Variants in SH3KBP1 observed in about 807,000 individuals in gnomAD.
SH3KBP1 encodes the protein SH3 domain-containing kinase-binding protein 1.
SH3KBP1 carries 8 observed loss-of-function variants against 50.1 expected under a neutral mutation model. The observed-to-expected ratio is 0.16, with a 90% CI of 0.09 to 0.29. The LOEUF is 0.29. Among genes scored for constraint, SH3KBP1 ranks in the 10% least tolerant of loss-of-function variants. SH3KBP1 has a pLI of 1.00. For synonymous variants in SH3KBP1, 227 were observed against 218.6 expected (o/e 1.04, Z -0.34); for missense variants, 377 against 535.2 (o/e 0.70, Z 2.92).
At chrX:19,702,656 T>TA (rs756113280) in intron 4 of SH3KBP1, among the ~76,000 whole-genome samples, 1,080 of 103,122 alleles carry the variant, frequency 0.01, 14 homozygotes, top group African/African-American at 0.033. Flanking sequence ...CAATGCACTT[T>TA]AAAAAAAAAA....
In SH3KBP1 at chrX:19,588,666, C is replaced by A. The variant is rs147648876; in HGVS notation, c.1275G>T (p.Pro425=). 3.3e-6 allele frequency: 4 copies of A among 1,208,652 alleles called. No individual in the cohort carries two copies. Among genetic ancestry groups the A allele is most frequent in the Non-Finnish European group, 3.4e-6 (3 of 894,378 alleles). ...ACCTGGTGTGTGTCAGCGGACCCAC[C>A]GGTCTCTCCGGCCTTCTCGGGGGCA... ...GALPPRRPER[P]VGPLTHTRGD... Residue 425 remains proline (P), a synonymous_variant, in exon 12 of 18, where the codon CCG becomes CCT. Coordinates refer to ENST00000397821, the MANE Select transcript of SH3KBP1 (RefSeq NM_031892.3).
intron 2 of SH3KBP1, among the ~76,000 whole-genome samples, chrX:19,823,594 C>G (rs1269959673): frequency 8.9e-6 from 1 of 112,130 alleles, no homozygotes; most frequent in Non-Finnish European, 1.9e-5. Context: ...CTTAAGGACT[C>G]ATGTTAGGCC....
At chrX:19,794,863 TTCAGCAAATCCTTA>T (rs1284437051) in intron 2 of SH3KBP1, among the ~76,000 whole-genome samples, 1 of 111,558 alleles carries the variant, frequency 9.0e-6, no homozygotes, top group Non-Finnish European at 1.9e-5. Context: ...CTTCCATTCA[TTCAGCAAATCCTTA>T]GTGCCCAGGC....
At chrX:19,572,368 C>CAT (rs1172266661) in intron 12 of SH3KBP1, among the ~76,000 whole-genome samples, 1 of 97,078 alleles carries the variant, frequency 1.0e-5, no homozygotes, top group East Asian at 2.9e-4. Flanking sequence ...ATATATAGTA[C>CAT]ATATATGTTA....
chrX:19,795,955 T>A (rs1241412454), intron 2 of SH3KBP1, among the ~76,000 whole-genome samples: 1 of 111,480 alleles, frequency 9.0e-6, no homozygotes, highest in Non-Finnish European at 1.9e-5. Context: ...AGTTTACACC[T>A]CACCTACACT....
chrX:19,661,352 A>T (rs1281945244), intron 6 of SH3KBP1, among the ~76,000 whole-genome samples: 3 of 111,714 alleles, frequency 2.7e-5, no homozygotes, highest in Non-Finnish European at 5.6e-5. Context: ...GATGTTTACA[A>T]AAAGTTTGTA....
intron 3 of SH3KBP1, among the ~76,000 whole-genome samples, chrX:19,730,776 G>C (rs903726815): frequency 2.7e-5 from 3 of 111,674 alleles, no homozygotes; most frequent in Admixed American, 9.5e-5. Context: ...CCCTGGTCCT[G>C]ATGAAAGTGA....
intron 14 of SH3KBP1, among the ~76,000 whole-genome samples, chrX:19,548,945 T>G (rs2065163696): frequency 8.9e-6 from 1 of 112,112 alleles, no homozygotes; most frequent in African/African-American, 3.2e-5. Context: ...TTTGACCCAC[T>G]TCCAGAAAAT....
At chrX:19,763,115 A>G (rs1183650191) in intron 2 of SH3KBP1, among the ~76,000 whole-genome samples, 3 of 111,676 alleles carry the variant, frequency 2.7e-5, no homozygotes, top group Non-Finnish European at 5.6e-5. Flanking sequence ...ATTACAAACA[A>G]CACTACATTG....
At chrX:19,543,219 C>A (rs1306911767) in intron 15 of SH3KBP1, among the ~76,000 whole-genome samples, 1 of 111,513 alleles carries the variant, frequency 9.0e-6, no homozygotes, top group African/African-American at 3.3e-5. Flanking sequence ...GGACAGGATG[C>A]AGAGGGTGGA....
intron 2 of SH3KBP1, among the ~76,000 whole-genome samples, chrX:19,784,750 C>T (rs2066284260): frequency 9.0e-6 from 1 of 111,057 alleles, no homozygotes; most frequent in Non-Finnish European, 1.9e-5. Context: ...GCTGGGATTA[C>T]AGGCATACCA....
intron 3 of SH3KBP1, among the ~76,000 whole-genome samples, chrX:19,711,693 T>A: frequency 1.9e-5 from 2 of 104,445 alleles, no homozygotes; most frequent in Non-Finnish European, 3.9e-5. Flanking sequence ...AAAGAATCCA[T>A]CAAATTAATC....
At chrX:19,713,371 T>C (rs758712128) in intron 3 of SH3KBP1, among the ~76,000 whole-genome samples, 1 of 109,857 alleles carries the variant, frequency 9.1e-6, no homozygotes, top group African/African-American at 3.3e-5. Flanking sequence ...CAAGTGATCC[T>C]CCCACCTCAG....
At chrX:19,867,657 A>C (rs1228543021) in intron 1 of SH3KBP1, among the ~76,000 whole-genome samples, 1 of 111,418 alleles carries the variant, frequency 9.0e-6, no homozygotes, top group African/African-American at 3.3e-5. Flanking sequence ...AGTCTTAGTG[A>C]AGCCCAGGGA....
intron 2 of SH3KBP1, among the ~76,000 whole-genome samples, chrX:19,834,960 GGGAGGT>G (rs1282318490): frequency 3.7e-5 from 4 of 108,644 alleles, no homozygotes. Context: ...ATTTGAACCT[GGGAGGT>G]GGAGGTTGCA....
intron 4 of SH3KBP1, among the ~76,000 whole-genome samples, chrX:19,705,013 T>C (rs1038258142): frequency 8.9e-6 from 1 of 112,498 alleles, no homozygotes; most frequent in African/African-American, 3.2e-5. Flanking sequence ...CCTTGCCAAA[T>C]AGCTTCATAA....
intron 4 of SH3KBP1, among the ~76,000 whole-genome samples, chrX:19,696,222 G>A (rs1300170036): frequency 8.9e-6 from 1 of 112,100 alleles, no homozygotes. Context: ...GATACCCATA[G>A]ATTACTATAT....
chrX:19,576,344 T>C (rs776372196), intron 12 of SH3KBP1, among the ~76,000 whole-genome samples: 1 of 109,745 alleles, frequency 9.1e-6, no homozygotes, highest in South Asian at 3.9e-4. Flanking sequence ...CTCACCCCCT[T>C]TGAGAATGAA....
At chrX:19,842,266 G>A (rs1317467088) in intron 1 of SH3KBP1, among the ~76,000 whole-genome samples, 1 of 112,456 alleles carries the variant, frequency 8.9e-6, no homozygotes, top group Admixed American at 9.4e-5. Context: ...AGTGGCTCAC[G>A]CCTGTAATCC....
Sources: gnomAD v4.1 joint callset for allele counts (sites outside exome capture counted in the v4.1 genomes callset) on GRCh38, gnomAD v4.1.1 for gene constraint, MANE v1.5 for transcripts, NCBI Gene and HGNC (gene_info 2026-07-23, HGNC 2026-07-21) for gene names.